The following INPP4A variants were observed in gnomAD, a reference collection of about 807,000 sequenced individuals.
INPP4A encodes the protein inositol polyphosphate-4-phosphatase type I A, also known as inositol polyphosphate-4-phosphatase, type I, 107kD.
Under a neutral mutation model 119.8 loss-of-function variants are expected in INPP4A, and 33 were observed. That is an observed-to-expected ratio of 0.28 (90% CI 0.21 to 0.37). INPP4A has a LOEUF of 0.37. Among genes scored for constraint, INPP4A ranks in the 10% least tolerant of loss-of-function variants. The probability of loss-of-function intolerance (pLI) is 1.00; values close to 1 mark genes in which losing one functional copy is unlikely to be tolerated. For synonymous variants in INPP4A, 496 were observed against 500.7 expected, an observed-to-expected ratio of 0.99 and a Z score of 0.12; for missense variants, 956 against 1,289.9, an observed-to-expected ratio of 0.74 and a Z score of 3.97.
At position 98,566,703 on chromosome 2, in the gene INPP4A, G is replaced by A. The variant is rs556879800; in HGVS notation, c.2420+534G>A. ...CTCATGCCTGAACCTAAAGGCAACT[G>A]CCCTCCAGGGTCACTTGCCACACTG... On this transcript the variant is annotated intron_variant, in intron 21 of 24. Transcript: ENST00000409851. This position sits in a 1 kb window ranked among gnomAD's most constrained non-coding sequence, Gnocchi z 4.2. Among the ~76,000 whole-genome samples, 1 of 152,152 alleles carries A rather than the reference G, an allele frequency of 6.6e-6. No individual in the cohort carries two copies. The highest frequency in any genetic ancestry group is 1.5e-5 in the Non-Finnish European group (1 of 68,034).
chr2:98,584,730 C>T (rs1575196948), intron 24 of INPP4A, among the ~76,000 whole-genome samples: 2 of 152,250 alleles, frequency 1.3e-5, no homozygotes, highest in Admixed American at 1.3e-4. Context: ...AGCAAAAGGA[C>T]ACCATGAGAT....
chr2:98,585,119 C>T (rs963024166), intron 24 of INPP4A, among the ~76,000 whole-genome samples: 1 of 152,172 alleles, frequency 6.6e-6, no homozygotes, highest in African/African-American at 2.4e-5. Flanking sequence ...TAAGTTTTTT[C>T]AACTAGTGTG....
intron 1 of INPP4A, among the ~76,000 whole-genome samples, chr2:98,448,286 G>A (rs1694597061): frequency 6.7e-6 from 1 of 148,924 alleles, no homozygotes; most frequent in Non-Finnish European, 1.5e-5. Context: ...AACTCAGGAG[G>A]TGGAGGTTGC....
At chr2:98,458,303 C>T (rs921845317) in intron 1 of INPP4A, among the ~76,000 whole-genome samples, 20 of 151,848 alleles carry the variant, frequency 1.3e-4, no homozygotes, top group Non-Finnish European at 2.5e-4. Flanking sequence ...ATGATTGTAC[C>T]GCTGCACTCC....
chr2:98,571,473 A>G (rs1575138000), intron 22 of INPP4A, among the ~76,000 whole-genome samples: 2 of 152,206 alleles, frequency 1.3e-5, no homozygotes, highest in East Asian at 3.9e-4. Flanking sequence ...GGAAGGGGGA[A>G]TTTGTGCCTA....
chr2:98,561,456 A>C (rs1042788911), intron 17 of INPP4A, among the ~76,000 whole-genome samples: 1 of 152,238 alleles, frequency 6.6e-6, no homozygotes, highest in African/African-American at 2.4e-5. Flanking sequence ...TGTTCCAGGC[A>C]TGTCTGAGTC....
At chr2:98,467,191 A>G (rs1164641898) in intron 1 of INPP4A, among the ~76,000 whole-genome samples, 27 of 152,072 alleles carry the variant, frequency 1.8e-4, no homozygotes, top group Admixed American at 1.8e-3. Flanking sequence ...GAACCAACGG[A>G]GTGAGAACTC....
chr2:98,482,189 G>A (rs897635357), intron 1 of INPP4A, among the ~76,000 whole-genome samples: 4 of 152,258 alleles, frequency 2.6e-5, no homozygotes, highest in Non-Finnish European at 5.9e-5. Flanking sequence ...GAGGGACCCT[G>A]TTGGGCCACC....
intron 1 of INPP4A, among the ~76,000 whole-genome samples, chr2:98,481,899 T>G (rs568012393): frequency 6.6e-6 from 1 of 152,346 alleles, no homozygotes; most frequent in South Asian, 2.1e-4. Flanking sequence ...CACCTTTGCC[T>G]CTCCTTCTCC....
At chr2:98,538,142 GA>G (rs1157069735) in intron 8 of INPP4A, among the ~76,000 whole-genome samples, 168 bp downstream of exon 8, 6 of 152,120 alleles carry the variant, frequency 3.9e-5, no homozygotes, top group African/African-American at 1.4e-4. Context: ...CTTGAAGCAG[GA>G]AAAAGGGCTC....
intron 1 of INPP4A, among the ~76,000 whole-genome samples, chr2:98,447,262 T>C (rs1015993691): frequency 6.6e-6 from 1 of 152,210 alleles, no homozygotes; most frequent in East Asian, 1.9e-4. Flanking sequence ...TGACTTTCAC[T>C]GAGAAAAAAA....
chr2:98,540,982 A>G (rs1056979279), intron 10 of INPP4A, among the ~76,000 whole-genome samples: 8 of 152,256 alleles, frequency 5.3e-5, no homozygotes, highest in Non-Finnish European at 1.2e-4. Context: ...GCTGTTTTCA[A>G]AGAGCTATTT....
chr2:98,500,398 A>T (rs994135690), intron 1 of INPP4A, among the ~76,000 whole-genome samples: 1 of 152,188 alleles, frequency 6.6e-6, no homozygotes, highest in African/African-American at 2.4e-5. Flanking sequence ...TCCTCCATGC[A>T]TCCTGCTCCA....
rs146839054 is a variant in INPP4A, at chr2:98,494,808, C to T, written c.-165-24156C>T. On this transcript the variant is annotated intron_variant, in intron 1 of 24. Coordinates refer to ENST00000409851, the MANE Select transcript of INPP4A (RefSeq NM_001134225.2). ...CCATTTAATTAGATAAAATGTAGAA[C>T]AATGTATGCCCTAGGCAGTTGTCAA... 2.0e-5 allele frequency among the ~76,000 whole-genome samples: 3 copies of T among 152,286 alleles called. No homozygotes were observed. In the East Asian group the frequency reaches 5.8e-4, roughly 29 times the overall value.
At chr2:98,499,783 A>G (rs889491893) in intron 1 of INPP4A, among the ~76,000 whole-genome samples, 2 of 152,254 alleles carry the variant, frequency 1.3e-5, no homozygotes, top group Admixed American at 1.3e-4. Context: ...TAATTGGGCT[A>G]TCGTAACTTT....
intron 13 of INPP4A, chr2:98,549,010 C>T (rs374196467): frequency 2.1e-4 from 337 of 1,598,716 alleles, no homozygotes; most frequent in Non-Finnish European, 2.6e-4. Context: ...GTTTGGGTCT[C>T]GTCCTCATGC....
intron 1 of INPP4A, among the ~76,000 whole-genome samples, chr2:98,496,198 T>C (rs1681904470): frequency 6.6e-6 from 1 of 152,150 alleles, no homozygotes; most frequent in African/African-American, 2.4e-5. Context: ...AACTAGATAT[T>C]CGGGTTTACT....
chr2:98,469,648 CA>C (rs1289235775), intron 1 of INPP4A, among the ~76,000 whole-genome samples: 1 of 151,610 alleles, frequency 6.6e-6, no homozygotes, highest in African/African-American at 2.4e-5. Context: ...ACTAAAAATA[CA>C]AAAAATTAGC....
At chr2:98,564,501 C>A in intron 18 of INPP4A, 139 bp from the exon 19 acceptor site, 2 of 1,061,816 alleles carry the variant, frequency 1.9e-6, no homozygotes, top group Non-Finnish European at 2.8e-6. Context: ...CTGGGCTTCT[C>A]AAGGGATGGG....
Sources: allele counts gnomAD v4.1 joint callset (sites outside exome capture counted in the v4.1 genomes callset), GRCh38; gene constraint gnomAD v4.1.1; non-coding constraint Gnocchi (gnomAD v3.1); transcripts MANE v1.5; gene names NCBI Gene and HGNC (gene_info 2026-07-23, HGNC 2026-07-21).